Variants in DLG2 observed in about 807,000 individuals in gnomAD.
DLG2 encodes the protein disks large homolog 2.
In DLG2, 45 loss-of-function variants were observed where a neutral mutation model predicts 132.5. The observed-to-expected ratio is 0.34, with a 90% confidence interval of 0.27 to 0.44. DLG2 has a LOEUF of 0.44. Among genes scored for constraint, DLG2 ranks in the 20% least tolerant of loss-of-function variants. The pLI is 1.00. For missense variants in DLG2, 1,045 were observed against 1,196.9 expected, an observed-to-expected ratio of 0.87 and a Z score of 1.87; for synonymous variants, 424 against 419.6, an observed-to-expected ratio of 1.01 and a Z score of -0.13.
chr11:83,802,551 G>C (rs2044715993), intron 17 of DLG2, among the ~76,000 whole-genome samples: 1 of 151,982 alleles, frequency 6.6e-6, no homozygotes, highest in African/African-American at 2.4e-5. Flanking sequence ...TTTAAACTTA[G>C]TTTTTTTGTG....
intron 4 of DLG2, among the ~76,000 whole-genome samples, chr11:85,222,071 TG>T (rs2074682926): frequency 6.6e-6 from 1 of 152,048 alleles, no homozygotes; most frequent in African/African-American, 2.4e-5. Flanking sequence ...CCCAAGTAGA[TG>T]GGACTACAGG....
chr11:84,106,868 T>TGAGAGAGAGA (rs71465962), intron 9 of DLG2, among the ~76,000 whole-genome samples: 10 of 137,534 alleles, frequency 7.3e-5, no homozygotes, highest in Admixed American at 1.5e-4. Context: ...TGTGTATGTG[T>TGAGAGAGAGA]GAGAGAGAGA....
At chr11:84,423,236 A>G (rs914720096) in intron 7 of DLG2, among the ~76,000 whole-genome samples, 1 of 152,180 alleles carries the variant, frequency 6.6e-6, no homozygotes, top group Non-Finnish European at 1.5e-5. Context: ...TCACTTAAAC[A>G]TGATTAAAAT....
chr11:84,385,110 T>C (rs1174556154), intron 7 of DLG2, among the ~76,000 whole-genome samples: 2 of 152,116 alleles, frequency 1.3e-5, no homozygotes, highest in African/African-American at 4.8e-5. Flanking sequence ...ACCTGATCAC[T>C]GACTTCTCCA....
chr11:84,663,249 A>AT (rs200108753), intron 6 of DLG2, among the ~76,000 whole-genome samples: 2,027 of 102,264 alleles, frequency 0.02, 21 homozygotes, highest in African/African-American at 0.033. Flanking sequence ...ATATATATAT[A>AT]TTTTTTTTTC....
chr11:84,299,562 C>T (rs933849467), intron 7 of DLG2, among the ~76,000 whole-genome samples: 4 of 152,032 alleles, frequency 2.6e-5, no homozygotes, highest in African/African-American at 9.7e-5. Flanking sequence ...AATTGTAAAA[C>T]AGGTTTGAGT....
intron 5 of DLG2, among the ~76,000 whole-genome samples, chr11:85,141,966 T>C (rs890418531): frequency 1.3e-5 from 2 of 151,948 alleles, no homozygotes; most frequent in Admixed American, 6.6e-5. Context: ...AGCTCTGTAG[T>C]ATAATTTAAA....
At chr11:83,763,789 C>T (rs1045416117) in intron 18 of DLG2, among the ~76,000 whole-genome samples, 6 of 152,148 alleles carry the variant, frequency 3.9e-5, no homozygotes, top group African/African-American at 7.2e-5. Flanking sequence ...ACCCATATCC[C>T]ACTCTTTATT....
intron 3 of DLG2, among the ~76,000 whole-genome samples, chr11:85,396,064 CAGA>C (rs1358440932): frequency 5.9e-5 from 9 of 152,144 alleles, no homozygotes; most frequent in Admixed American, 5.9e-4. Context: ...ACGATGCTTC[CAGA>C]AGAAGGATGA....
rs769221578 is a variant in DLG2 at position 85,349,472 on chromosome 11, T to C, written c.41-64107A>G. On this transcript the variant is annotated intron_variant, in intron 3 of 27. Transcript: ENST00000376104. ...ACATGTGCACAATGTGTAGGTTTGA[T>C]ACATAGGTATACATGTGCCATGTTG... Among the ~76,000 whole-genome samples the C allele has an allele frequency of 7.9e-5, 12 of 152,090 alleles. No homozygotes were observed. The South Asian group carries it at 2.5e-3, about 32-fold the overall frequency.
chr11:84,373,782 C>T (rs1389305751), intron 7 of DLG2, among the ~76,000 whole-genome samples: 1 of 152,042 alleles, frequency 6.6e-6, no homozygotes, highest in Non-Finnish European at 1.5e-5. Flanking sequence ...TAAAATCCCC[C>T]AAATTCCTTT....
At chr11:83,959,617 G>A (rs1188063921) in intron 14 of DLG2, among the ~76,000 whole-genome samples, 1 of 148,056 alleles carries the variant, frequency 6.8e-6, no homozygotes. Flanking sequence ...GAAGAAATTA[G>A]AAGATCCTTT....
chr11:84,098,082 T>A (rs1307262429), intron 10 of DLG2, among the ~76,000 whole-genome samples: 1 of 141,702 alleles, frequency 7.1e-6, no homozygotes, highest in African/African-American at 2.6e-5. Context: ...ATGGACTCAC[T>A]CTGTCACCCA....
At chr11:85,360,039 T>C (rs1395599888) in intron 3 of DLG2, among the ~76,000 whole-genome samples, 1 of 152,182 alleles carries the variant, frequency 6.6e-6, no homozygotes, top group Non-Finnish European at 1.5e-5. Context: ...GGGCGTGTGC[T>C]GAAGCAGAGC....
In DLG2 at chr11:84,950,296, T is replaced by A. The variant is rs535625986; in HGVS notation, c.357+161365A>T. 1.5e-3 allele frequency among the ~76,000 whole-genome samples: 228 copies of A among 152,252 alleles called. 1 individual carries two copies. The highest frequency in any genetic ancestry group is 5.4e-3 in the African/African-American group (224 of 41,566). On this transcript the variant is annotated intron_variant, in intron 6 of 27. Transcript: ENST00000376104. ...TTATGAGAAGATTAATAAAAAAAAA[T>A]CTATGGCTGTCTGTGGGTGTTATCT...
intron 4 of DLG2, among the ~76,000 whole-genome samples, chr11:85,176,675 C>A (rs751575592): frequency 6.6e-6 from 1 of 152,100 alleles, no homozygotes; most frequent in Non-Finnish European, 1.5e-5. Flanking sequence ...AGTGAACAGA[C>A]AACCTACAAA....
chr11:83,786,640 G>T (rs372097219), intron 18 of DLG2, 50 bp downstream of exon 18: 1 of 1,482,562 alleles, frequency 6.7e-7, no homozygotes, highest in Non-Finnish European at 9.4e-7. Context: ...TGAGGGTACA[G>T]ATCCACACAG....
intron 7 of DLG2, among the ~76,000 whole-genome samples, chr11:84,359,797 C>T (rs905886431): frequency 6.6e-6 from 1 of 151,800 alleles, no homozygotes; most frequent in African/African-American, 2.4e-5. Flanking sequence ...ATAGATCATC[C>T]TACTATTAAT....
intron 3 of DLG2, among the ~76,000 whole-genome samples, chr11:85,590,645 C>CTA (rs1289979658): frequency 1.7e-4 from 26 of 151,380 alleles, no homozygotes; most frequent in Non-Finnish European, 2.8e-4. Flanking sequence ...CTCTCTCTCT[C>CTA]TCTCTCTATA....
Sources: gnomAD v4.1 joint callset for allele counts (sites outside exome capture counted in the v4.1 genomes callset) on GRCh38, gnomAD v4.1.1 for gene constraint, MANE v1.5 for transcripts, NCBI Gene and HGNC (gene_info 2026-07-23, HGNC 2026-07-21) for gene names.